SDK1: variants seen among roughly 807,000 people sequenced by gnomAD.
SDK1 encodes protein sidekick-1.
In SDK1, 157 loss-of-function variants were observed where a neutral mutation model predicts 245.5. The observed-to-expected ratio is 0.64, with a 90% CI of 0.56 to 0.73. The LOEUF (loss-of-function observed/expected upper bound fraction) is 0.73, where lower values mean the gene tolerates loss of function less well. Ranked by LOEUF, SDK1 falls within the 30% of genes least tolerant of loss-of-function variation. SDK1 has a pLI of 0.00. For synonymous variants in SDK1, 1,647 were observed against 1,278.5 expected, an observed-to-expected ratio of 1.29 and a Z score of -6.15; for missense variants, 3,583 against 3,002.3, an observed-to-expected ratio of 1.19 and a Z score of -4.52.
chr7:3,328,410 C>T (rs960408495), intron 1 of SDK1, among the ~76,000 whole-genome samples: 1 of 151,934 alleles, frequency 6.6e-6, no homozygotes. Flanking sequence ...CATTTTAGAT[C>T]ATGCTAACAT....
intron 1 of SDK1, among the ~76,000 whole-genome samples, chr7:3,384,527 T>C (rs893548851): frequency 6.6e-6 from 1 of 152,230 alleles, no homozygotes; most frequent in Non-Finnish European, 1.5e-5. Flanking sequence ...TAACGTTGTC[T>C]AACCCAGTGT....
intron 38 of SDK1, among the ~76,000 whole-genome samples, chr7:4,214,456 G>T (rs1392807077): frequency 6.6e-6 from 1 of 152,198 alleles, no homozygotes; most frequent in Non-Finnish European, 1.5e-5. Context: ...GCGAAGGGCT[G>T]GTTCCTTCAT....
At chr7:3,947,256 A>G (rs1027647795) in intron 5 of SDK1, among the ~76,000 whole-genome samples, 14 of 152,006 alleles carry the variant, frequency 9.2e-5, no homozygotes, top group African/African-American at 2.4e-4. Context: ...CTCACCCCCA[A>G]TTCTCTTCTG....
At chr7:3,538,637 T>C (rs892103217) in intron 1 of SDK1, among the ~76,000 whole-genome samples, 1 of 152,202 alleles carries the variant, frequency 6.6e-6, no homozygotes, top group African/African-American at 2.4e-5. Flanking sequence ...TTCCTTCTAA[T>C]GGGAGAACTG....
chr7:3,521,693 G>A (rs1782945767), intron 1 of SDK1, among the ~76,000 whole-genome samples: 1 of 152,136 alleles, frequency 6.6e-6, no homozygotes, highest in Non-Finnish European at 1.5e-5. Context: ...TACAGAAGTG[G>A]GGGAAGAACT....
chr7:3,753,270 T>G (rs1779826147), intron 4 of SDK1, among the ~76,000 whole-genome samples: 1 of 152,194 alleles, frequency 6.6e-6, no homozygotes, highest in South Asian at 2.1e-4. Context: ...TTTTTGAATT[T>G]CCCTGGAATC....
At chr7:3,382,361 T>C (rs1051962516) in intron 1 of SDK1, among the ~76,000 whole-genome samples, 1 of 152,212 alleles carries the variant, frequency 6.6e-6, no homozygotes, top group African/African-American at 2.4e-5. Flanking sequence ...CACCAGAATT[T>C]GAACCACGTA....
intron 1 of SDK1, among the ~76,000 whole-genome samples, chr7:3,511,671 T>A (rs1013758686): frequency 1.3e-5 from 2 of 152,100 alleles, no homozygotes; most frequent in African/African-American, 4.8e-5. Context: ...ATTTTAAAAA[T>A]CCTTTATTAT....
chr7:3,567,990 G>T (rs1316006604), intron 1 of SDK1, among the ~76,000 whole-genome samples: 2 of 151,884 alleles, frequency 1.3e-5, no homozygotes, highest in African/African-American at 2.4e-5. Context: ...CTAATTTTTT[G>T]ATTGTTTTTT....
At chr7:4,009,617 G>A (rs1040029779) in intron 14 of SDK1, among the ~76,000 whole-genome samples, 5 of 152,242 alleles carry the variant, frequency 3.3e-5, no homozygotes, top group Non-Finnish European at 5.9e-5. Flanking sequence ...AGCTGGTGGC[G>A]AAGACTGCGT....
At chr7:3,846,314 C>A (rs903533337) in intron 5 of SDK1, among the ~76,000 whole-genome samples, 29 of 152,112 alleles carry the variant, frequency 1.9e-4, no homozygotes, top group Non-Finnish European at 3.2e-4. Flanking sequence ...ATGTTTATTG[C>A]ATGAAAATAA....
chr7:3,354,107 C>T (rs1388079129), intron 1 of SDK1, among the ~76,000 whole-genome samples: 3 of 151,698 alleles, frequency 2.0e-5, no homozygotes, highest in Non-Finnish European at 4.4e-5. Flanking sequence ...ATTCTTTTGC[C>T]TCAGCCTCAG....
At chr7:3,334,138 G>A (rs1780139228) in intron 1 of SDK1, among the ~76,000 whole-genome samples, 1 of 152,206 alleles carries the variant, frequency 6.6e-6, no homozygotes, top group Non-Finnish European at 1.5e-5. Flanking sequence ...GAACCCCAAT[G>A]TGGTTTTTCA....
chr7:3,979,834 G>A (rs1180198784), intron 13 of SDK1, among the ~76,000 whole-genome samples: 1 of 152,104 alleles, frequency 6.6e-6, no homozygotes, highest in Non-Finnish European at 1.5e-5. Flanking sequence ...AAGGCCTTAT[G>A]GATTGATTAA....
intron 4 of SDK1, among the ~76,000 whole-genome samples, chr7:3,769,157 C>G (rs1239430411): frequency 1.3e-5 from 2 of 152,164 alleles, no homozygotes; most frequent in Non-Finnish European, 2.9e-5. Context: ...GACCCCTTTA[C>G]CTAGTTTCCC....
intron 1 of SDK1, among the ~76,000 whole-genome samples, chr7:3,406,471 C>T (rs1156841065): frequency 6.6e-6 from 1 of 152,184 alleles, no homozygotes; most frequent in Non-Finnish European, 1.5e-5. Flanking sequence ...TTGTCAAGAA[C>T]AGGCACTCTG....
chr7:3,928,964 C>G (rs903509321), intron 5 of SDK1, among the ~76,000 whole-genome samples: 2 of 152,230 alleles, frequency 1.3e-5, no homozygotes, highest in Admixed American at 6.5e-5. Context: ...ATTTTAAGAA[C>G]ATAAAACCTG....
intron 4 of SDK1, among the ~76,000 whole-genome samples, chr7:3,720,793 A>G (rs767196721): frequency 5.9e-5 from 9 of 152,248 alleles, no homozygotes; most frequent in Non-Finnish European, 1.0e-4. Flanking sequence ...AAACCTGTAC[A>G]TGAGTGTTTC....
At chr7:3,983,980 C>T (rs934724139) in intron 13 of SDK1, among the ~76,000 whole-genome samples, 10 of 152,190 alleles carry the variant, frequency 6.6e-5, no homozygotes, top group Non-Finnish European at 1.0e-4. Flanking sequence ...CTACACTAAA[C>T]GCCTCAAGAC....
Sources: allele counts gnomAD v4.1 joint callset (sites outside exome capture counted in the v4.1 genomes callset), GRCh38; gene constraint gnomAD v4.1.1; transcripts MANE v1.5; gene names NCBI Gene and HGNC (gene_info 2026-07-23, HGNC 2026-07-21).